RHCE: variants seen among roughly 807,000 people sequenced by gnomAD.
RHCE encodes blood group Rh(CE) polypeptide.
RHCE carries 22 observed loss-of-function variants against 43.8 expected under a neutral mutation model. The ratio of observed to expected loss-of-function variants is 0.50; its 90% CI spans 0.36 to 0.72. The LOEUF (loss-of-function observed/expected upper bound fraction) is 0.72. Ranked by LOEUF, RHCE falls within the 30% of genes least tolerant of loss-of-function variation. The probability of loss-of-function intolerance (pLI) is 0.00; values close to 1 mark genes in which losing one functional copy is unlikely to be tolerated. For synonymous variants in RHCE, 156 were observed against 210.7 expected (o/e 0.74, Z 2.25); for missense variants, 385 against 525.4 (o/e 0.73, Z 2.61).
At chr1:25,413,856 C>T (rs1647184296) in intron 1 of RHCE, among the ~76,000 whole-genome samples, 1 of 151,632 alleles carries the variant, frequency 6.6e-6, no homozygotes, top group African/African-American at 2.4e-5. Flanking sequence ...CCCTACCTAC[C>T]TAGGTTTAAC....
intron 2 of RHCE, among the ~76,000 whole-genome samples, chr1:25,428,182 C>T (rs2042818992): frequency 6.6e-6 from 1 of 152,214 alleles, no homozygotes; most frequent in Non-Finnish European, 1.5e-5. Context: ...TGCCTCTCAT[C>T]TTTTCTTTGG....
At chr1:25,392,744 A>C (rs665372) in intron 3 of RHCE, among the ~76,000 whole-genome samples, 90,514 of 150,948 alleles carry the variant, frequency 0.6, 28,662 homozygotes, top group African/African-American at 0.81. Flanking sequence ...CCAATTTTTA[A>C]ATTTTGTGTA....
At chr1:25,369,189 A>AC (rs1645527452) in intron 9 of RHCE, among the ~76,000 whole-genome samples, 1 of 151,206 alleles carries the variant, frequency 6.6e-6, no homozygotes, top group African/African-American at 2.4e-5. Flanking sequence ...TCTCTGCTTG[A>AC]CCCCTCATGC....
At chr1:25,368,745 C>T (rs1428476830) in intron 9 of RHCE, among the ~76,000 whole-genome samples, 2 of 148,400 alleles carry the variant, frequency 1.3e-5, no homozygotes, top group Non-Finnish European at 3.0e-5. Context: ...GGTTACAACA[C>T]TTTAAATATG....
At chr1:25,376,978 G>C (rs1645807928) in intron 7 of RHCE, among the ~76,000 whole-genome samples, 1 of 152,066 alleles carries the variant, frequency 6.6e-6, no homozygotes, top group Non-Finnish European at 1.5e-5. Flanking sequence ...TGCTGCTCTT[G>C]TAGGGAGTGC....
intron 1 of RHCE, among the ~76,000 whole-genome samples, chr1:25,416,782 A>C (rs1263058536): frequency 1.4e-5 from 2 of 143,812 alleles, no homozygotes; most frequent in Non-Finnish European, 3.0e-5. Flanking sequence ...ACACTGGGTT[A>C]AATTTTACAG....
chr1:25,416,466 T>C (rs1276197485), intron 1 of RHCE, among the ~76,000 whole-genome samples: 3 of 152,144 alleles, frequency 2.0e-5, no homozygotes, highest in African/African-American at 7.2e-5. Flanking sequence ...GGTTTCATCA[T>C]GTTAGCCAGG....
chr1:25,393,031 A>G (rs1646429211), intron 3 of RHCE, among the ~76,000 whole-genome samples: 1 of 152,150 alleles, frequency 6.6e-6, no homozygotes, highest in Non-Finnish European at 1.5e-5. Flanking sequence ...TGTAATACCA[A>G]ACTAAGGTCT....
chr1:25,411,293 G>A, intron 1 of RHCE: 1 of 1,548,852 alleles, frequency 6.5e-7, no homozygotes. Flanking sequence ...AATAAATAGT[G>A]GCTGTTCATC....
At position 25,392,078 on chromosome 1, in the gene RHCE, C is replaced by A. The variant is rs1332589365; in HGVS notation, c.550G>T (p.Ala184Ser). The change falls in exon 4 of 10, where the codon GCC (alanine) becomes TCC (serine). Residue 184 changes from alanine (A) to serine (S), a missense_variant. This residue lies in a region of RHCE where 110 missense variants were observed against 103.4 expected (regional missense o/e 1.06). Coordinates refer to ENST00000294413, the MANE Select transcript of RHCE (RefSeq NM_020485.8). ...VFAAYFGLTV[A>S]WCLPKPLPKG... ...GGTAGAGGCTTTGGCAGGCACCAGG[C>A]CACAGTCAGCCCAAAATAGGCTGCG... 2 of 1,614,030 alleles carry A rather than the reference C, an allele frequency of 1.2e-6. No individual in the cohort carries two copies. The highest frequency in any genetic ancestry group is 1.7e-6 in the Non-Finnish European group (2 of 1,180,036).
chr1:25,390,620 G>C (rs148353819), intron 5 of RHCE, 129 bp downstream of exon 5: 1 of 1,105,604 alleles, frequency 9.0e-7, no homozygotes, highest in Admixed American at 1.9e-5. Context: ...CCACTGTAGA[G>C]GCAGGCACAG....
At chr1:25,409,746 C>T (rs1647015002) in intron 1 of RHCE, among the ~76,000 whole-genome samples, 1 of 143,646 alleles carries the variant, frequency 7.0e-6, no homozygotes, top group Non-Finnish European at 1.5e-5. Context: ...TACCATGTGC[C>T]TACGCTGTTT....
chr1:25,386,291 T>C (rs922083855), intron 6 of RHCE, among the ~76,000 whole-genome samples: 7 of 152,162 alleles, frequency 4.6e-5, no homozygotes, highest in Admixed American at 3.9e-4. Flanking sequence ...CCAGACATTG[T>C]CAGATGTCCC....
At chr1:25,396,480 C>T (rs1194629439) in intron 3 of RHCE, among the ~76,000 whole-genome samples, 2 of 152,188 alleles carry the variant, frequency 1.3e-5, no homozygotes, top group Non-Finnish European at 2.9e-5. Context: ...TATAAAGATA[C>T]TTCCTGAGAC....
intron 3 of RHCE, among the ~76,000 whole-genome samples, chr1:25,401,581 G>A (rs1434323534): frequency 6.6e-6 from 1 of 152,202 alleles, no homozygotes; most frequent in Non-Finnish European, 1.5e-5. Flanking sequence ...CTTCACAGCT[G>A]CCTTCAAACT....
At chr1:25,370,398 T>A in intron 9 of RHCE, 69 bp downstream of exon 9, 1 of 1,339,028 alleles carries the variant, frequency 7.5e-7, no homozygotes, top group African/African-American at 1.5e-5. Context: ...CAAGTCAACA[T>A]ATATACCCAG....
chr1:25,376,976 T>A (rs146783788), intron 7 of RHCE, among the ~76,000 whole-genome samples: 20 of 152,042 alleles, frequency 1.3e-4, no homozygotes, highest in Admixed American at 7.9e-4. Context: ...CCTGCTGCTC[T>A]TGTAGGGAGT....
rs1182907723 is a variant in RHCE, at chr1:25,394,296, T to C, written c.487-2155A>G. On this transcript the variant is annotated intron_variant, in intron 3 of 9. Coordinates refer to ENST00000294413, the MANE Select transcript of RHCE (RefSeq NM_020485.8). ...GAGCCACCGCACCCAGCCTATTTTT[T>C]TTTTTATCACCATGTGCTGACAATT... 2.0e-5 allele frequency among the ~76,000 whole-genome samples: 3 copies of C among 152,076 alleles called. No individual in the cohort carries two copies. The East Asian group carries it at 5.8e-4, about 29-fold the overall frequency.
At chr1:25,428,629 T>G (rs1276508716) in intron 2 of RHCE, among the ~76,000 whole-genome samples, 2 of 152,242 alleles carry the variant, frequency 1.3e-5, no homozygotes, top group Non-Finnish European at 2.9e-5. Context: ...TGAAGGCTCA[T>G]TGTCCTCCAA....
Sources: allele counts gnomAD v4.1 joint callset (sites outside exome capture counted in the v4.1 genomes callset), GRCh38; gene constraint gnomAD v4.1.1; regional missense constraint gnomAD v4.1.1; transcripts MANE v1.5; gene names NCBI Gene and HGNC (gene_info 2026-07-23, HGNC 2026-07-21).